Variants in DPY19L1 observed in about 807,000 individuals in gnomAD.
DPY19L1 encodes dpy-19 like C-mannosyltransferase 1, also known as protein C-mannosyl-transferase DPY19L1.
In DPY19L1, 35 loss-of-function variants were observed where a neutral mutation model predicts 96.9. That is an observed-to-expected ratio of 0.36 (90% CI 0.28 to 0.48). The LOEUF is 0.48. DPY19L1 is among the 20% of genes least tolerant of loss of function. DPY19L1 has a pLI of 0.99. For synonymous variants in DPY19L1, 205 were observed against 252.6 expected (o/e 0.81, Z 1.79); for missense variants, 521 against 777.9 (o/e 0.67, Z 3.93).
At chr7:34,959,146 A>C (rs1318558932) in intron 10 of DPY19L1, among the ~76,000 whole-genome samples, 1 of 152,248 alleles carries the variant, frequency 6.6e-6, no homozygotes, top group Non-Finnish European at 1.5e-5. Flanking sequence ...AGAGAAATGC[A>C]AATCAAAACC....
chr7:34,978,459 A>G (rs1466717521), intron 7 of DPY19L1, among the ~76,000 whole-genome samples: 1 of 152,184 alleles, frequency 6.6e-6, no homozygotes, highest in Non-Finnish European at 1.5e-5. Context: ...CTCTCTTCAG[A>G]GAATGTTATA....
At chr7:34,933,864 G>C (rs1385216869) in intron 21 of DPY19L1, among the ~76,000 whole-genome samples, 1 of 152,142 alleles carries the variant, frequency 6.6e-6, no homozygotes, top group Non-Finnish European at 1.5e-5. Context: ...ACTCAGACTG[G>C]CTTCTTTGTT....
chr7:35,024,920 A>C (rs1394335642), intron 1 of DPY19L1, among the ~76,000 whole-genome samples: 1 of 152,228 alleles, frequency 6.6e-6, no homozygotes, highest in East Asian at 1.9e-4. Flanking sequence ...CGCTGAGTTA[A>C]ACGGTTACAT....
At chr7:35,007,687 C>T (rs1262269944) in intron 6 of DPY19L1, among the ~76,000 whole-genome samples, 4 of 151,642 alleles carry the variant, frequency 2.6e-5, no homozygotes, top group Non-Finnish European at 5.9e-5. Flanking sequence ...ATATTATTTA[C>T]TTTGCAGCAT....
At chr7:34,996,308 T>G (rs1785283083) in intron 6 of DPY19L1, among the ~76,000 whole-genome samples, 1 of 152,216 alleles carries the variant, frequency 6.6e-6, no homozygotes, top group African/African-American at 2.4e-5. Flanking sequence ...CAGGACCATG[T>G]GTTCAGGTGA....
At chr7:35,031,710 T>C (rs561527687) in intron 1 of DPY19L1, among the ~76,000 whole-genome samples, 1 of 152,344 alleles carries the variant, frequency 6.6e-6, no homozygotes, top group African/African-American at 2.4e-5. Flanking sequence ...TATATTTACA[T>C]AAACTAAACT....
chr7:34,947,049 C>T (rs1784162975), intron 15 of DPY19L1, among the ~76,000 whole-genome samples: 1 of 152,184 alleles, frequency 6.6e-6, no homozygotes, highest in South Asian at 2.1e-4. Context: ...TGTTCATTCT[C>T]TTAAGACACA....
At chr7:34,962,383 C>T (rs1166495921) in intron 10 of DPY19L1, among the ~76,000 whole-genome samples, 2 of 152,138 alleles carry the variant, frequency 1.3e-5, no homozygotes, top group Non-Finnish European at 2.9e-5. Context: ...ACACATGACA[C>T]TATACAAAAG....
At chr7:34,936,153 T>C (rs1420121511) in intron 21 of DPY19L1, among the ~76,000 whole-genome samples, 2 of 152,270 alleles carry the variant, frequency 1.3e-5, no homozygotes, top group African/African-American at 4.8e-5. Flanking sequence ...CGTAAGTGAC[T>C]TGAAGTCAGT....
intron 1 of DPY19L1, among the ~76,000 whole-genome samples, chr7:35,026,808 C>T (rs1474845899): frequency 6.6e-6 from 1 of 152,086 alleles, no homozygotes; most frequent in African/African-American, 2.4e-5. Context: ...TTACTTCCCT[C>T]GTAAGAAAGT....
chr7:35,034,136 A>T (rs1415443818), intron 1 of DPY19L1, among the ~76,000 whole-genome samples: 1 of 152,194 alleles, frequency 6.6e-6, no homozygotes, highest in African/African-American at 2.4e-5. Flanking sequence ...GGTAGTTTTT[A>T]TCATCCACTT....
At chr7:35,020,966 C>T (rs901814575) in intron 1 of DPY19L1, among the ~76,000 whole-genome samples, 1 of 152,188 alleles carries the variant, frequency 6.6e-6, no homozygotes, top group African/African-American at 2.4e-5. Context: ...GCCTCAGCCT[C>T]CCAAAGTGCT....
At chr7:35,029,129 A>C (rs774599471) in intron 1 of DPY19L1, among the ~76,000 whole-genome samples, 3 of 152,178 alleles carry the variant, frequency 2.0e-5, no homozygotes, top group Non-Finnish European at 4.4e-5. Context: ...GCAGCCTGGT[A>C]GGTCTCAGCC....
chr7:35,020,787 C>A (rs1785977341), intron 1 of DPY19L1, among the ~76,000 whole-genome samples: 1 of 152,182 alleles, frequency 6.6e-6, no homozygotes. Flanking sequence ...TGGCTCACTG[C>A]AACCTCCGCC....
intron 3 of DPY19L1, 44 bp downstream of exon 3, chr7:35,017,838 T>C (rs1246472450): frequency 9.1e-6 from 13 of 1,422,092 alleles, no homozygotes; most frequent in Non-Finnish European, 1.3e-5. Flanking sequence ...TAAATGTTTT[T>C]AAATTCCTAA....
At chr7:34,953,268 G>C (rs913259656) in intron 13 of DPY19L1, among the ~76,000 whole-genome samples, 2 of 152,106 alleles carry the variant, frequency 1.3e-5, no homozygotes, top group African/African-American at 4.8e-5. Flanking sequence ...TTACAACTAA[G>C]TTATTTCTAA....
chr7:34,980,980 T>C (rs528516894), intron 7 of DPY19L1, among the ~76,000 whole-genome samples: 3 of 152,098 alleles, frequency 2.0e-5, no homozygotes, highest in Admixed American at 1.3e-4. Context: ...AACTAATCAA[T>C]AGTGATAGAG....
chr7:35,008,646 C>T (rs75699099), intron 6 of DPY19L1, among the ~76,000 whole-genome samples: 152 of 142,494 alleles, frequency 1.1e-3, no homozygotes, highest in South Asian at 1.4e-3. Flanking sequence ...TGCTCTGTGA[C>T]CACATCTGTG....
rs567775359 is a variant in DPY19L1 at position 34,996,727 on chromosome 7, T to C, written c.765-6786A>G. Among the ~76,000 whole-genome samples the C allele has an allele frequency of 2.0e-5, 3 of 152,088 alleles. No homozygotes were observed. The South Asian group carries it at 6.3e-4, about 32-fold the overall frequency. ...TGGCATCCCTGCCCACAAGGTCAAA[T>C]CCAAACACCAAAACATATCCGAAAT... On this transcript the variant is annotated intron_variant, in intron 6 of 21. Coordinates refer to ENST00000638088, the MANE Select transcript of DPY19L1 (RefSeq NM_001366673.1).
Sources: allele counts gnomAD v4.1 joint callset (sites outside exome capture counted in the v4.1 genomes callset), GRCh38; gene constraint gnomAD v4.1.1; transcripts MANE v1.5; gene names NCBI Gene and HGNC (gene_info 2026-07-23, HGNC 2026-07-21).